Variants in PPM1E observed in about 807,000 individuals in gnomAD.
PPM1E encodes the protein protein phosphatase, Mg2+/Mn2+ dependent 1E.
A neutral mutation model predicts 65.9 loss-of-function variants in PPM1E; 20 were observed. The observed-to-expected ratio is 0.30, with a 90% CI of 0.21 to 0.44. The LOEUF is 0.44. PPM1E is among the 20% of genes least tolerant of loss of function. PPM1E has a pLI of 1.00. For missense variants in PPM1E, 713 were observed against 953.1 expected, an observed-to-expected ratio of 0.75 and a Z score of 3.32; for synonymous variants, 352 against 374.9, an observed-to-expected ratio of 0.94 and a Z score of 0.70.
chr17:58,914,309 T>A (rs2051661252), intron 1 of PPM1E, among the ~76,000 whole-genome samples: 3 of 152,192 alleles, frequency 2.0e-5, no homozygotes, highest in African/African-American at 7.2e-5. Flanking sequence ...TTCATCAGCT[T>A]TTCCACTAAT....
intron 1 of PPM1E, among the ~76,000 whole-genome samples, chr17:58,787,172 A>C (rs1363773940): frequency 6.6e-6 from 1 of 152,234 alleles, no homozygotes; most frequent in African/African-American, 2.4e-5. Context: ...GAAAAGTTTG[A>C]TAACTTGCCC....
intron 1 of PPM1E, among the ~76,000 whole-genome samples, chr17:58,775,356 A>G (rs1357537101): frequency 6.6e-6 from 1 of 152,152 alleles, no homozygotes; most frequent in Non-Finnish European, 1.5e-5. Context: ...ACAACTGATA[A>G]GTAGCTAGGA....
intron 1 of PPM1E, among the ~76,000 whole-genome samples, chr17:58,877,751 A>G (rs1171806312): frequency 1.1e-4 from 16 of 152,228 alleles, no homozygotes; most frequent in Admixed American, 7.9e-4. Flanking sequence ...ACTTATGGAT[A>G]CATTAAAATT....
At chr17:58,841,433 A>G (rs550861313) in intron 1 of PPM1E, among the ~76,000 whole-genome samples, 2 of 152,262 alleles carry the variant, frequency 1.3e-5, no homozygotes, top group South Asian at 4.1e-4. Context: ...TATACCCTCA[A>G]TATGCTATGA....
At chr17:58,886,545 G>C (rs770401844) in intron 1 of PPM1E, among the ~76,000 whole-genome samples, 11 of 152,146 alleles carry the variant, frequency 7.2e-5, no homozygotes, top group Non-Finnish European at 1.5e-4. Context: ...ATCTCTGCTA[G>C]AAACAGACTT....
At chr17:58,867,964 T>G (rs1209306747) in intron 1 of PPM1E, among the ~76,000 whole-genome samples, 1 of 152,186 alleles carries the variant, frequency 6.6e-6, no homozygotes, top group Non-Finnish European at 1.5e-5. Context: ...TAATGGTTTT[T>G]GACTCCAAGG....
intron 1 of PPM1E, among the ~76,000 whole-genome samples, chr17:58,860,066 G>A (rs2143297241): frequency 6.6e-6 from 1 of 152,238 alleles, no homozygotes; most frequent in Middle Eastern, 3.4e-3. Context: ...AGGGCCTTTT[G>A]GTGTGTGTAA....
At chr17:58,803,719 T>C (rs1378533691) in intron 1 of PPM1E, among the ~76,000 whole-genome samples, 2 of 152,220 alleles carry the variant, frequency 1.3e-5, no homozygotes, top group Non-Finnish European at 1.5e-5. Flanking sequence ...AGCAGTAACC[T>C]GTAAGACAAA....
intron 1 of PPM1E, among the ~76,000 whole-genome samples, chr17:58,911,831 G>A (rs552249724): frequency 1.3e-5 from 2 of 152,132 alleles, no homozygotes; most frequent in African/African-American, 2.4e-5. Context: ...TAAGAAAGAT[G>A]TTAAGAAGGT....
At chr17:58,966,381 C>A (rs1180309974) in intron 3 of PPM1E, 257 of 153,686 alleles carry the variant, frequency 1.7e-3, no homozygotes, top group East Asian at 5.2e-3. Context: ...AAAGAAAAAA[C>A]AATTAAAAAA....
chr17:58,808,346 G>T (rs1446797392), intron 1 of PPM1E, among the ~76,000 whole-genome samples: 1 of 151,976 alleles, frequency 6.6e-6, no homozygotes, highest in Admixed American at 6.6e-5. Context: ...TGTCTTGTTG[G>T]GATTGTTATT....
chr17:58,757,430 GTTC>G (rs2049779876), intron 1 of PPM1E, among the ~76,000 whole-genome samples: 1 of 152,170 alleles, frequency 6.6e-6, no homozygotes, highest in Non-Finnish European at 1.5e-5. Context: ...CAATGGAATT[GTTC>G]CGAAATAATG....
intron 1 of PPM1E, among the ~76,000 whole-genome samples, chr17:58,835,320 C>T (rs761727684): frequency 1.3e-5 from 2 of 152,006 alleles, no homozygotes; most frequent in Admixed American, 1.3e-4. Context: ...ACTTCAGCCT[C>T]GGTGACAGAG....
intron 1 of PPM1E, among the ~76,000 whole-genome samples, chr17:58,797,562 G>T (rs2050218477): frequency 1.3e-5 from 2 of 152,070 alleles, no homozygotes; most frequent in African/African-American, 4.8e-5. Context: ...TCTTTTTATT[G>T]CTGAGTAGTA....
intron 2 of PPM1E, among the ~76,000 whole-genome samples, chr17:58,958,994 A>T (rs1248346208): frequency 6.6e-6 from 1 of 152,018 alleles, no homozygotes; most frequent in Non-Finnish European, 1.5e-5. Flanking sequence ...ATGAGAGACG[A>T]GTCTTAGTTG....
chr17:58,789,073 C>A (rs1009999667), intron 1 of PPM1E, among the ~76,000 whole-genome samples: 1 of 152,138 alleles, frequency 6.6e-6, no homozygotes, highest in African/African-American at 2.4e-5. Context: ...AAGCCTAATA[C>A]ATAAAATGTA....
intron 1 of PPM1E, among the ~76,000 whole-genome samples, chr17:58,954,007 G>C (rs1032256762): frequency 6.6e-6 from 1 of 152,208 alleles, no homozygotes; most frequent in Non-Finnish European, 1.5e-5. Flanking sequence ...GCCTCCCAAA[G>C]TGTTGGGATT....
intron 1 of PPM1E, among the ~76,000 whole-genome samples, chr17:58,939,158 C>G (rs1443831815): frequency 6.6e-6 from 1 of 152,024 alleles, no homozygotes; most frequent in Non-Finnish European, 1.5e-5. Context: ...CAACCCTGTC[C>G]CCAGACACTA....
At chr17:58,760,200 A>G (rs1219426815) in intron 1 of PPM1E, among the ~76,000 whole-genome samples, 1 of 152,142 alleles carries the variant, frequency 6.6e-6, no homozygotes, top group African/African-American at 2.4e-5. Context: ...TCCCTAGTCA[A>G]TATCAATCTG....
Sources: allele counts gnomAD v4.1 joint callset (sites outside exome capture counted in the v4.1 genomes callset), GRCh38; gene constraint gnomAD v4.1.1; transcripts MANE v1.5; gene names NCBI Gene and HGNC (gene_info 2026-07-23, HGNC 2026-07-21).